The following XRN1 variants were observed in gnomAD, a reference collection of about 807,000 sequenced individuals.
XRN1 encodes 5'-3' exoribonuclease 1, also known as strand-exchange protein 1 homolog.
Under a neutral mutation model 222.3 loss-of-function variants are expected in XRN1, and 67 were observed. The observed-to-expected ratio is 0.30, with a 90% CI of 0.25 to 0.37. The LOEUF is 0.37. Ranked by LOEUF, XRN1 falls within the 10% of genes least tolerant of loss-of-function variation. The probability of loss-of-function intolerance (pLI) is 1.00; values close to 1 mark genes in which losing one functional copy is unlikely to be tolerated. For missense variants in XRN1, 1,707 were observed against 2,000.2 expected, an observed-to-expected ratio of 0.85 and a Z score of 2.80; for synonymous variants, 643 against 652.4, an observed-to-expected ratio of 0.99 and a Z score of 0.22.
At chr3:142,330,641 T>C (rs1441279431) in intron 36 of XRN1, among the ~76,000 whole-genome samples, 1 of 151,896 alleles carries the variant, frequency 6.6e-6, no homozygotes, top group Non-Finnish European at 1.5e-5. Flanking sequence ...AACTTACTTG[T>C]TTTTGACAAT....
chr3:142,439,300 T>C (rs780188606), intron 1 of XRN1, among the ~76,000 whole-genome samples: 3 of 152,270 alleles, frequency 2.0e-5, no homozygotes, highest in Admixed American at 1.3e-4. Flanking sequence ...AGGTCAATGA[T>C]AGGATGACAA....
intron 15 of XRN1, among the ~76,000 whole-genome samples, chr3:142,408,994 C>T (rs1263376355): frequency 1.3e-5 from 2 of 152,072 alleles, no homozygotes; most frequent in African/African-American, 4.8e-5. Context: ...TATATCTTGC[C>T]TTGTGAAAAT....
chr3:142,447,925 T>C lies in XRN1; in HGVS notation c.20A>G (p.Tyr7Cys). MGVPKF[Y>C]RWISERYPCL... ...GGGATACCGCTCTGAGATCCATCTGTAAAACTTGGGGACTCCCATTTCGAT... is the reference window on the plus strand; with the variant it reads ...GGGATACCGCTCTGAGATCCATCTGCAAAACTTGGGGACTCCCATTTCGAT... The change falls in exon 1 of 41, where the codon TAC becomes TGC. Residue 7 changes from tyrosine to cysteine, a missense_variant. Physicochemically the swap from Tyr to Cys is radical, Grantham distance 194 (BLOSUM62 -2). Coordinates refer to ENST00000392981, the MANE Select transcript of XRN1 (RefSeq NM_001282857.2). The surrounding 1 kb of genome is among the most constrained non-coding windows in gnomAD (Gnocchi z 4.2). The C allele has an allele frequency of 6.2e-7, 1 of 1,613,962 alleles. No individual in the cohort carries two copies. Among genetic ancestry groups the C allele is most frequent in the African/African-American group, 1.3e-5 (1 of 75,016 alleles).
At position 142,376,577 on chromosome 3, in the gene XRN1, G is replaced by C; in HGVS notation, c.2733C>G (p.Tyr911Ter). The C allele has an allele frequency of 6.2e-7, 1 of 1,609,738 alleles. No individual in the cohort carries two copies. The highest frequency in any genetic ancestry group is 1.1e-5 in the South Asian group (1 of 90,362). Residue 911 changes from tyrosine (Y) to a stop codon, truncating the protein, a stop_gained, in exon 24 of 41, where the codon TAC (tyrosine) becomes TAG (stop). Coordinates refer to ENST00000392981, the MANE Select transcript of XRN1 (RefSeq NM_001282857.2). LOFTEE classifies it high-confidence loss of function. Reference protein sequence around the residue: ...IQNQHKYSIKYNPGYVLASRL... With the variant: ...IQNQHKYSIK ...GACTGGCCAACACATATCCTGGGTT[G>C]TACTTTATAGAATATTTCTTTAAAT... is the stretch of plus-strand genomic sequence containing the variant.
chr3:142,326,787 G>A (rs1445012516), intron 37 of XRN1, among the ~76,000 whole-genome samples: 2 of 152,002 alleles, frequency 1.3e-5, no homozygotes, highest in African/African-American at 2.4e-5. Context: ...TTATGTTGAG[G>A]TATGTTCCTT....
At chr3:142,415,168 ATTGT>A (rs2068734564) in intron 13 of XRN1, among the ~76,000 whole-genome samples, 1 of 152,222 alleles carries the variant, frequency 6.6e-6, no homozygotes, top group Non-Finnish European at 1.5e-5. Context: ...ACATACACTA[ATTGT>A]TTTTGTTTTT....
intron 29 of XRN1, 79 bp downstream of exon 29, chr3:142,364,968 G>C (rs1479725016): frequency 7.1e-7 from 1 of 1,407,600 alleles, no homozygotes; most frequent in African/African-American, 1.5e-5. Context: ...TTTCTGGTTA[G>C]ATATAAAAAA....
intron 19 of XRN1, among the ~76,000 whole-genome samples, chr3:142,399,913 T>C (rs970801816): frequency 2.7e-5 from 4 of 149,892 alleles, no homozygotes; most frequent in African/African-American, 9.8e-5. Context: ...ATATGAAAAA[T>C]AAAATATAAG....
At chr3:142,327,012 A>G (rs1052759800) in intron 37 of XRN1, among the ~76,000 whole-genome samples, 4 of 152,164 alleles carry the variant, frequency 2.6e-5, no homozygotes. Context: ...TTTGAATTCA[A>G]TTCACTAGTA....
chr3:142,380,224 TTTA>T (rs759681094), intron 22 of XRN1, 44 bp from the exon 23 acceptor site: 1 of 1,495,184 alleles, frequency 6.7e-7, no homozygotes, highest in South Asian at 1.2e-5. Context: ...TTCAGTACAT[TTTA>T]TTTTTTAACT....
At chr3:142,377,500 T>A (rs1285221433) in intron 23 of XRN1, among the ~76,000 whole-genome samples, 2 of 152,164 alleles carry the variant, frequency 1.3e-5, no homozygotes, top group Non-Finnish European at 2.9e-5. Flanking sequence ...TTAATTACAA[T>A]AACTGGCATG....
rs372139564 is a variant in XRN1 at position 142,447,799 on chromosome 3, G to A, written c.75+71C>T. 38 of 1,557,254 alleles carry A rather than the reference G, an allele frequency of 2.4e-5. No homozygotes were observed. Among genetic ancestry groups the A allele is most frequent in the Middle Eastern group, 2.2e-4 (1 of 4,598 alleles). ...GGAAAGAGGTGGCTCGAAAGCCCCA[G>A]CTCTAAGGTGGAGAGGGCCGCGGAG... On this transcript the variant is annotated intron_variant, in intron 1 of 40. Transcript: ENST00000392981. The surrounding 1 kb of genome is among the most constrained non-coding windows in gnomAD (Gnocchi z 4.2).
intron 39 of XRN1, among the ~76,000 whole-genome samples, chr3:142,314,051 T>C (rs1421787384): frequency 6.6e-6 from 1 of 152,228 alleles, no homozygotes; most frequent in East Asian, 1.9e-4. Flanking sequence ...GTCAACTCCG[T>C]AATTTCCCCA....
chr3:142,400,358 G>T, intron 19 of XRN1, 86 bp downstream of exon 19: 1 of 1,093,894 alleles, frequency 9.1e-7, no homozygotes. Context: ...ATATAATTTT[G>T]TCAGTTAAAA....
rs372836643 is a variant in XRN1 at position 142,306,752 on chromosome 3, C to T, written c.*4759G>A. On this transcript the variant is annotated 3_prime_UTR_variant, in exon 41 of 41. Coordinates refer to ENST00000392981, the MANE Select transcript of XRN1 (RefSeq NM_001282857.2). ...CTTCATGCTAGAAATCTACGGATAACGTAACACCACAAAAATACATTCGGA... is the reference window on the plus strand; with the variant it reads ...CTTCATGCTAGAAATCTACGGATAATGTAACACCACAAAAATACATTCGGA... 3 of 152,674 alleles carry T rather than the reference C, an allele frequency of 2.0e-5. No individual in the cohort carries two copies. In the East Asian group the frequency reaches 5.8e-4, roughly 29 times the overall value. 9.5% of individuals were successfully genotyped at this position (152,674 alleles called of 1,614,324 possible).
chr3:142,393,878 G>A (rs977365186), intron 20 of XRN1, among the ~76,000 whole-genome samples: 1 of 151,332 alleles, frequency 6.6e-6, no homozygotes, highest in African/African-American at 2.4e-5. Flanking sequence ...CCAGGCTGGA[G>A]TGCAGTGGTG....
rs138358545 is a variant in XRN1 at position 142,376,311 on chromosome 3, T to A, written c.2831+168A>T. 39 of 718,044 alleles carry A rather than the reference T, an allele frequency of 5.4e-5. No homozygotes were observed. In the East Asian group the frequency reaches 8.9e-4, roughly 16 times the overall value. 44.5% of individuals were successfully genotyped at this position (718,044 alleles called of 1,614,324 possible). ...ATAAGAACTGTCTTTTCCAACCACC[T>A]AAAACATGTGCCATTCAGATGAAAG... On this transcript the variant is annotated intron_variant, in intron 24 of 40. Transcript: ENST00000392981.
intron 2 of XRN1, 64 bp from the exon 3 acceptor site, chr3:142,426,905 A>G: frequency 1.5e-6 from 2 of 1,306,692 alleles, no homozygotes. Context: ...CTTTATATAA[A>G]CTGCTATGTA....
intron 19 of XRN1, among the ~76,000 whole-genome samples, chr3:142,397,864 A>G (rs2067986711): frequency 6.6e-6 from 1 of 152,234 alleles, no homozygotes; most frequent in African/African-American, 2.4e-5. Context: ...TGTTTGAGGT[A>G]ACAGATAATT....
Sources: allele counts gnomAD v4.1 joint callset (sites outside exome capture counted in the v4.1 genomes callset), GRCh38; gene constraint gnomAD v4.1.1; non-coding constraint Gnocchi (gnomAD v3.1); transcripts MANE v1.5; gene names NCBI Gene and HGNC (gene_info 2026-07-23, HGNC 2026-07-21).